PTPRO: variants seen among roughly 807,000 people sequenced by gnomAD.
PTPRO encodes receptor-type tyrosine-protein phosphatase O.
In PTPRO, 62 loss-of-function variants were observed where a neutral mutation model predicts 145.2. The ratio of observed to expected loss-of-function variants is 0.43; its 90% CI spans 0.35 to 0.53. The LOEUF (loss-of-function observed/expected upper bound fraction) is 0.53. PTPRO is among the 20% of genes least tolerant of loss of function. The pLI, the probability that PTPRO is intolerant of heterozygous loss-of-function variation, is 0.01. For missense variants in PTPRO, 1,345 were observed against 1,482.7 expected, an observed-to-expected ratio of 0.91 and a Z score of 1.53; for synonymous variants, 565 against 514.7, an observed-to-expected ratio of 1.10 and a Z score of -1.32.
At chr12:15,379,400 G>A (rs974922562) in intron 1 of PTPRO, among the ~76,000 whole-genome samples, 6 of 150,992 alleles carry the variant, frequency 4.0e-5, no homozygotes, top group Non-Finnish European at 7.4e-5. Flanking sequence ...GCATGGGGGC[G>A]CACACCTGTA....
At position 15,408,424 on chromosome 12, in the gene PTPRO, C is replaced by CGTT. The variant is rs760941723; in HGVS notation, c.76-75531_76-75529dup. Among the ~76,000 whole-genome samples, 185 of 151,726 alleles carry CGTT rather than the reference C, an allele frequency of 1.2e-3. 3 individuals carry two copies. Among genetic ancestry groups the CGTT allele is most frequent in the Non-Finnish European group, 6.2e-4 (42 of 67,858 alleles). ...CAAGGGAAGTCAAAGTTTTTGTTTTCGTTGTTGTTGTTGTTGTTGTTTGAG... is the reference window on the plus strand; with the variant it reads ...CAAGGGAAGTCAAAGTTTTTGTTTTCGTTGTTGTTGTTGTTGTTGTTGTTTGAG... On this transcript the variant is annotated intron_variant, in intron 1 of 26. Transcript: ENST00000281171.
chr12:15,362,191 A>T (rs1230676962), intron 1 of PTPRO, among the ~76,000 whole-genome samples: 1 of 152,212 alleles, frequency 6.6e-6, no homozygotes, highest in Non-Finnish European at 1.5e-5. Flanking sequence ...CCATTCTTCA[A>T]GCTTCTCATG....
At chr12:15,360,059 G>C (rs555915432) in intron 1 of PTPRO, among the ~76,000 whole-genome samples, 2 of 152,066 alleles carry the variant, frequency 1.3e-5, no homozygotes, top group East Asian at 3.9e-4. Flanking sequence ...TCAACTTATC[G>C]CAGAGATTAT....
At chr12:15,592,340 T>C (rs1270430566) in intron 25 of PTPRO, among the ~76,000 whole-genome samples, 5 of 152,212 alleles carry the variant, frequency 3.3e-5, no homozygotes, top group African/African-American at 4.8e-5. Flanking sequence ...TTCAAGAGAA[T>C]GAAATGGTTC....
intron 1 of PTPRO, among the ~76,000 whole-genome samples, chr12:15,385,370 G>A: frequency 6.6e-6 from 1 of 152,140 alleles, no homozygotes; most frequent in East Asian, 1.9e-4. Context: ...GACACCTGGA[G>A]TTTGATGCCA....
intron 1 of PTPRO, among the ~76,000 whole-genome samples, chr12:15,464,071 C>T (rs574749915): frequency 3.3e-5 from 5 of 151,952 alleles, no homozygotes; most frequent in South Asian, 2.1e-4. Flanking sequence ...ATTTTATATA[C>T]AGAACTAACT....
chr12:15,377,164 C>G (rs1343624182), intron 1 of PTPRO, among the ~76,000 whole-genome samples: 2 of 151,684 alleles, frequency 1.3e-5, no homozygotes, highest in Non-Finnish European at 2.9e-5. Flanking sequence ...AGTATAGTTC[C>G]AGAGCAACCA....
intron 1 of PTPRO, among the ~76,000 whole-genome samples, chr12:15,451,215 C>G (rs1050570741): frequency 6.6e-6 from 1 of 151,650 alleles, no homozygotes; most frequent in Admixed American, 6.6e-5. Context: ...AACTTTAAAG[C>G]AACAATGTTA....
chr12:15,410,751 A>G (rs188297565), intron 1 of PTPRO: 2 of 152,246 alleles, frequency 1.3e-5, no homozygotes, highest in South Asian at 4.1e-4. Context: ...TTGAGATTGA[A>G]ATTTAAGATA....
intron 10 of PTPRO, among the ~76,000 whole-genome samples, chr12:15,523,419 T>A (rs1224144286): frequency 6.6e-6 from 1 of 152,234 alleles, no homozygotes; most frequent in African/African-American, 2.4e-5. Flanking sequence ...TTTCAGAGCC[T>A]ATATAGTATA....
intron 22 of PTPRO, among the ~76,000 whole-genome samples, chr12:15,581,298 C>CTTTTTTTTT (rs147606138): frequency 8.1e-6 from 1 of 123,030 alleles, no homozygotes. Flanking sequence ...TGAGTGCTTT[C>CTTTTTTTTT]TTTTTTTTTT....
chr12:15,397,400 T>G (rs1939371157), intron 1 of PTPRO, among the ~76,000 whole-genome samples: 1 of 152,174 alleles, frequency 6.6e-6, no homozygotes, highest in Admixed American at 6.5e-5. Flanking sequence ...ACCGAGAAGT[T>G]AGATTCAGAT....
intron 12 of PTPRO, among the ~76,000 whole-genome samples, chr12:15,541,943 G>A (rs1303468985): frequency 6.6e-6 from 1 of 152,048 alleles, no homozygotes; most frequent in African/African-American, 2.4e-5. Flanking sequence ...TCTGGGAGGT[G>A]GAGTTTGCAG....
At chr12:15,585,355 C>T (rs980385461) in intron 23 of PTPRO, among the ~76,000 whole-genome samples, 11 of 152,124 alleles carry the variant, frequency 7.2e-5, no homozygotes, top group African/African-American at 2.4e-4. Context: ...AGTTTCTCAA[C>T]ATACTTCCTG....
chr12:15,425,667 A>T (rs961248191), intron 1 of PTPRO, among the ~76,000 whole-genome samples: 6 of 152,164 alleles, frequency 3.9e-5, no homozygotes, highest in Non-Finnish European at 8.8e-5. Flanking sequence ...CAAATGTTAC[A>T]TTATTTATTG....
chr12:15,541,919 G>A (rs891496332), intron 12 of PTPRO, among the ~76,000 whole-genome samples: 3 of 152,112 alleles, frequency 2.0e-5, no homozygotes, highest in African/African-American at 7.2e-5. Flanking sequence ...GGCTGAGTGG[G>A]AGGATCGCTT....
At chr12:15,444,648 G>A (rs1289808201) in intron 1 of PTPRO, among the ~76,000 whole-genome samples, 1 of 150,912 alleles carries the variant, frequency 6.6e-6, no homozygotes, top group Non-Finnish European at 1.5e-5. Flanking sequence ...AAAGCCTTCA[G>A]GAGGTTATTT....
intron 2 of PTPRO, 45 bp downstream of exon 2, chr12:15,484,292 CCT>C (rs776981820): frequency 4.0e-5 from 65 of 1,606,950 alleles, no homozygotes; most frequent in Non-Finnish European, 5.0e-5. Context: ...TTATTGTTCC[CCT>C]GTTTCTTCCC....
At chr12:15,510,240 A>G (rs1942411448) in intron 7 of PTPRO, among the ~76,000 whole-genome samples, 1 of 152,208 alleles carries the variant, frequency 6.6e-6, no homozygotes, top group South Asian at 2.1e-4. Flanking sequence ...CTAGAAAGCC[A>G]TAGAATGCTT....
Sources: gnomAD v4.1 joint callset for allele counts (sites outside exome capture counted in the v4.1 genomes callset) on GRCh38, gnomAD v4.1.1 for gene constraint, MANE v1.5 for transcripts, NCBI Gene and HGNC (gene_info 2026-07-23, HGNC 2026-07-21) for gene names.